MTDH: variants seen among roughly 807,000 people sequenced by gnomAD.
The protein encoded by MTDH is protein LYRIC.
A neutral mutation model predicts 72.7 loss-of-function variants in MTDH; 34 were observed. The observed-to-expected ratio is 0.47, with a 90% CI of 0.36 to 0.62. MTDH has a LOEUF of 0.62. Ranked by LOEUF, MTDH falls within the 20% of genes least tolerant of loss-of-function variation. MTDH has a pLI of 0.00. For missense variants in MTDH, 677 were observed against 699.4 expected (o/e 0.97, Z 0.36); for synonymous variants, 266 against 268.9 (o/e 0.99, Z 0.10).
chr8:97,699,904 G>A (rs981657365), intron 7 of MTDH, 52 bp downstream of exon 7: 6 of 1,176,882 alleles, frequency 5.1e-6, no homozygotes, highest in Non-Finnish European at 7.6e-6. Context: ...TTTCTTTCTA[G>A]CACCCTGAAT....
chr8:97,710,493 C>T (rs1364256309), intron 8 of MTDH, among the ~76,000 whole-genome samples: 1 of 151,014 alleles, frequency 6.6e-6, no homozygotes, highest in Non-Finnish European at 1.5e-5. Context: ...AGTTTGAGAC[C>T]AGCCTGGCCA....
intron 6 of MTDH, among the ~76,000 whole-genome samples, chr8:97,695,921 G>A (rs908408904): frequency 2.6e-5 from 4 of 152,166 alleles, no homozygotes; most frequent in African/African-American, 9.7e-5. Flanking sequence ...CATAGGCTTT[G>A]GGAATTGACT....
chr8:97,686,703 T>G lies in MTDH; in HGVS notation c.519T>G (p.Ala173=), dbSNP rs1198806381. Residue 173 remains alanine (A), a synonymous_variant, in exon 3 of 12, where the codon GCT becomes GCG. Transcript: ENST00000336273. ...KKNKKKSKSD[A]KAVQNSSRHD... ...ATAAGAAGAAATCAAAGTCAGATGC[T>G]AAAGCAGTGCAAAACAGTTCACGCC... The G allele has an allele frequency of 1.9e-6, 3 of 1,594,032 alleles. No homozygotes were observed. The African/African-American group carries it at 4.0e-5, about 21-fold the overall frequency.
chr8:97,650,783 G>T (rs920903573), intron 1 of MTDH, among the ~76,000 whole-genome samples: 2 of 151,916 alleles, frequency 1.3e-5, no homozygotes, highest in East Asian at 1.9e-4. Context: ...ACGCTGGAGT[G>T]CAGTGGTGTG....
intron 6 of MTDH, among the ~76,000 whole-genome samples, chr8:97,698,556 T>A (rs375363163): frequency 7.9e-5 from 12 of 152,278 alleles, no homozygotes; most frequent in African/African-American, 2.9e-4. Context: ...ACAAAACTTA[T>A]GAGATAATAT....
chr8:97,715,480 T>G (rs899000550), intron 9 of MTDH, among the ~76,000 whole-genome samples: 2 of 152,208 alleles, frequency 1.3e-5, no homozygotes, highest in Non-Finnish European at 2.9e-5. Flanking sequence ...GAAATATGTA[T>G]TCAGTTATTT....
At chr8:97,688,258 G>A (rs558449773) in intron 4 of MTDH, among the ~76,000 whole-genome samples, 2 of 152,244 alleles carry the variant, frequency 1.3e-5, no homozygotes, top group South Asian at 2.1e-4. Flanking sequence ...GAAGGCATTG[G>A]CGTATCTTCC....
intron 6 of MTDH, among the ~76,000 whole-genome samples, chr8:97,698,831 A>G (rs770052992): frequency 6.6e-6 from 1 of 152,232 alleles, no homozygotes; most frequent in Non-Finnish European, 1.5e-5. Flanking sequence ...GAAGGAAAAA[A>G]CAACTTTTTT....
At chr8:97,658,338 G>A (rs541466809) in intron 1 of MTDH, among the ~76,000 whole-genome samples, 2 of 152,346 alleles carry the variant, frequency 1.3e-5, no homozygotes, top group South Asian at 2.1e-4. Flanking sequence ...TCATTTCAGA[G>A]CCTATGGAAA....
chr8:97,699,031 A>G (rs1813991689), intron 6 of MTDH, among the ~76,000 whole-genome samples: 1 of 152,102 alleles, frequency 6.6e-6, no homozygotes, highest in Admixed American at 6.6e-5. Context: ...TATGCCTGTA[A>G]TCCCAGCACT....
chr8:97,704,184 G>A (rs1446603168), intron 7 of MTDH, among the ~76,000 whole-genome samples: 1 of 152,034 alleles, frequency 6.6e-6, no homozygotes, highest in African/African-American at 2.4e-5. Context: ...GCTCTTCTTT[G>A]TTTCCACAGC....
At chr8:97,655,343 G>A (rs1811927379) in intron 1 of MTDH, among the ~76,000 whole-genome samples, 1 of 152,182 alleles carries the variant, frequency 6.6e-6, no homozygotes, top group Non-Finnish European at 1.5e-5. Context: ...GTTCTGCATA[G>A]CACTCTACTG....
chr8:97,670,952 G>GTTTTT (rs1160758851), intron 2 of MTDH, among the ~76,000 whole-genome samples: 155 of 77,986 alleles, frequency 2.0e-3, no homozygotes, highest in African/African-American at 2.7e-3. Flanking sequence ...TGTTGTTGTT[G>GTTTTT]TTTTTTTTTT....
In MTDH at chr8:97,724,807, C is replaced by A; in HGVS notation, c.*137C>A. 2 of 546,234 alleles carry A rather than the reference C, an allele frequency of 3.7e-6. No individual in the cohort carries two copies. The highest frequency in any genetic ancestry group is 6.1e-6 in the Non-Finnish European group (2 of 327,816). 33.8% of individuals were successfully genotyped at this position (546,234 alleles called of 1,614,324 possible). The stretch of plus-strand genomic sequence containing the variant: ...TTTTAAAACAAAACTGCGGACACCA[C>A]CATAAAAATGGAATCAAAAGAAAGT... On this transcript the variant is annotated 3_prime_UTR_variant, in exon 12 of 12. Transcript: ENST00000336273.
At chr8:97,650,942 G>A (rs1414001246) in intron 1 of MTDH, among the ~76,000 whole-genome samples, 1 of 152,070 alleles carries the variant, frequency 6.6e-6, no homozygotes, top group African/African-American at 2.4e-5. Context: ...CATTTCATTT[G>A]GTTCTAATAG....
At chr8:97,719,759 T>C (rs1188545333) in intron 10 of MTDH, among the ~76,000 whole-genome samples, 1 of 152,164 alleles carries the variant, frequency 6.6e-6, no homozygotes, top group Non-Finnish European at 1.5e-5. Context: ...ATACAAGGGA[T>C]AGACAGCTTA....
intron 2 of MTDH, among the ~76,000 whole-genome samples, chr8:97,673,746 G>A (rs938268999): frequency 3.3e-5 from 5 of 151,928 alleles, no homozygotes; most frequent in African/African-American, 1.2e-4. Context: ...AGGCCAAGGC[G>A]GGCAGATAGC....
chr8:97,660,515 C>A (rs1256341081), intron 1 of MTDH, among the ~76,000 whole-genome samples: 1 of 152,114 alleles, frequency 6.6e-6, no homozygotes. Flanking sequence ...CCCATAAAAC[C>A]TAAAATAGTT....
Position 97,730,090 on chromosome 8 carries a change from C to T in MTDH, c.*5420C>T, listed in dbSNP as rs562355950. On this transcript the variant is annotated 3_prime_UTR_variant, in exon 12 of 12. Coordinates refer to ENST00000336273, the MANE Select transcript of MTDH (RefSeq NM_178812.4). ...GTTACAGTACTGAAGCTTGTGAATA[C>T]GTTAATTGAGAAAACTTTAAGCAGG... is the stretch of plus-strand genomic sequence containing the variant. Among the ~76,000 whole-genome samples, 1 of 152,234 alleles carries T rather than the reference C, an allele frequency of 6.6e-6. No homozygotes were observed. The highest frequency in any genetic ancestry group is 2.4e-5 in the African/African-American group (1 of 41,548).
Sources: gnomAD v4.1 joint callset for allele counts (sites outside exome capture counted in the v4.1 genomes callset) on GRCh38, gnomAD v4.1.1 for gene constraint, MANE v1.5 for transcripts, NCBI Gene and HGNC (gene_info 2026-07-23, HGNC 2026-07-21) for gene names.